Variants in ACSBG1 observed in about 807,000 individuals in gnomAD.
ACSBG1 encodes the protein acyl-CoA synthetase bubblegum family member 1.
Under a neutral mutation model 80.2 loss-of-function variants are expected in ACSBG1, and 39 were observed. The observed-to-expected ratio is 0.49, with a 90% CI of 0.38 to 0.64. The LOEUF is 0.64. ACSBG1 is among the 30% of genes least tolerant of loss of function. ACSBG1 has a pLI of 0.00. For missense variants in ACSBG1, 828 were observed against 966.4 expected (o/e 0.86, Z 1.90); for synonymous variants, 392 against 379.5 (o/e 1.03, Z -0.38).
chr15:78,180,858 C>A lies in ACSBG1; in HGVS notation c.1150G>T (p.Glu384Ter). The change falls in exon 9 of 14, where the codon GAG (glutamate) becomes TAG (stop). Residue 384 changes from glutamate (E) to a stop codon, truncating the protein, a stop_gained. Coordinates refer to ENST00000258873, the MANE Select transcript of ACSBG1 (RefSeq NM_015162.5). LOFTEE classifies it high-confidence loss of function. ...TGAGCCGCCACCTCCTGGATGCGCT[C>A]CATGATCTTCTCCCATACCCGGGGC... is the stretch of plus-strand genomic sequence containing the variant. ...GVPRVWEKIMERIQEVAAQSG... is the reference protein window; with the variant it reads ...GVPRVWEKIM The A allele has an allele frequency of 6.2e-7, 1 of 1,614,230 alleles. No individual in the cohort carries two copies. The highest frequency in any genetic ancestry group is 8.5e-7 in the Non-Finnish European group (1 of 1,180,044).
In ACSBG1 at chr15:78,181,034, T is replaced by C. The variant is rs754233223; in HGVS notation, c.1072-98A>G. The C allele has an allele frequency of 5.0e-6, 7 of 1,403,166 alleles. No homozygotes were observed. The South Asian group carries it at 9.4e-5, about 19-fold the overall frequency. The allele number at this position is 1,403,166 out of a possible 1,614,324, so 86.9% of individuals were successfully genotyped here. ...AGGCATGCCGGTGGCACACACATGC[T>C]CCAACGGGCACCCACACACACCTGC... On this transcript the variant is annotated intron_variant, in intron 8 of 13. Coordinates refer to ENST00000258873, the MANE Select transcript of ACSBG1 (RefSeq NM_015162.5).
intron 2 of ACSBG1, among the ~76,000 whole-genome samples, chr15:78,202,690 G>GGTGCA (rs1258996712): frequency 6.6e-6 from 1 of 152,242 alleles, no homozygotes; most frequent in Admixed American, 6.5e-5. Context: ...CTGTCTGGAA[G>GGTGCA]GTGCAGTGCA....
At chr15:78,200,611 T>G (rs1031254379) in intron 2 of ACSBG1, among the ~76,000 whole-genome samples, 3 of 152,190 alleles carry the variant, frequency 2.0e-5, no homozygotes, top group Non-Finnish European at 2.9e-5. Flanking sequence ...TACCCAAGTC[T>G]GCTGTTCCCA....
At chr15:78,234,255 C>G in intron 1 of ACSBG1, 116 bp downstream of exon 1, 1 of 1,405,270 alleles carries the variant, frequency 7.1e-7, no homozygotes, top group Non-Finnish European at 9.6e-7. Flanking sequence ...CTTCATTTCC[C>G]AGGTGAAGAA....
In ACSBG1 at chr15:78,167,983, C is replaced by T. The variant is rs2074766769; in HGVS notation, c.*3461G>A. The T allele has an allele frequency of 1.3e-5, 2 of 152,118 alleles. No individual in the cohort carries two copies. The highest frequency in any genetic ancestry group is 4.1e-4 in the South Asian group (2 of 4,822). 9.4% of individuals were successfully genotyped at this position (152,118 alleles called of 1,614,324 possible). On this transcript the variant is annotated 3_prime_UTR_variant, in exon 14 of 14. Transcript: ENST00000258873. The stretch of plus-strand genomic sequence containing the variant: ...AATCTACAGCCCAGTAGAGAGGTGC[C>T]TGAATTACATAGTGGGCCCTTTTAT...
chr15:78,193,875 C>G, intron 4 of ACSBG1, 57 bp downstream of exon 4: 1 of 1,589,582 alleles, frequency 6.3e-7, no homozygotes, highest in Non-Finnish European at 8.6e-7. Context: ...GGACCCTCCC[C>G]TACCCTCTGC....
At chr15:78,228,630 G>C (rs1279803025) in intron 1 of ACSBG1, among the ~76,000 whole-genome samples, 1 of 152,184 alleles carries the variant, frequency 6.6e-6, no homozygotes, top group Non-Finnish European at 1.5e-5. Flanking sequence ...AGAAGTCTAG[G>C]ACCAGGGTTG....
In ACSBG1 at chr15:78,178,943, C is replaced by G; in HGVS notation, c.1485-112G>C. 9.3e-7 allele frequency: 1 copy of G among 1,074,152 alleles called. No individual in the cohort carries two copies. The highest frequency in any genetic ancestry group is 1.3e-6 in the Non-Finnish European group (1 of 767,526). The allele number at this position is 1,074,152 out of a possible 1,614,324, so 66.5% of individuals were successfully genotyped here. A position where few individuals can be genotyped will look rare whatever the true frequency, so the allele number is the denominator to read the frequency against. The stretch of plus-strand genomic sequence containing the variant: ...CTTCACTGATTGCTAGAAGGTATCC[C>G]CTCACAGGGCTTTTGTATTTTTACA... On this transcript the variant is annotated intron_variant, in intron 10 of 13. Transcript: ENST00000258873. The surrounding 1 kb of genome is among the most constrained non-coding windows in gnomAD (Gnocchi z 4.3).
Position 78,173,762 on chromosome 15 carries a change from G to A in ACSBG1, c.1920C>T (p.Gly640=), listed in dbSNP as rs1436394519. 1 of 1,614,018 alleles carries A rather than the reference G, an allele frequency of 6.2e-7. No individual in the cohort carries two copies. The highest frequency in any genetic ancestry group is 1.3e-5 in the African/African-American group (1 of 74,908). The change falls in exon 13 of 14, where the codon GGC becomes GGT. Residue 640 remains glycine (G), a synonymous_variant. Coordinates refer to ENST00000258873, the MANE Select transcript of ACSBG1 (RefSeq NM_015162.5). Reference sequence around the variant, plus strand: ...TCTCGGACACTGTGGTGGCTCTGCTGCCCACCCTCTGGCAGAACTCCATAG... The same window carrying A: ...TCTCGGACACTGTGGTGGCTCTGCTACCCACCCTCTGGCAGAACTCCATAG... ...EQAMEFCQRV[G]SRATTVSEII...
At chr15:78,208,810 T>C (rs74024190) in intron 1 of ACSBG1, among the ~76,000 whole-genome samples, 8,540 of 152,254 alleles carry the variant, frequency 0.056, 596 homozygotes, top group African/African-American at 0.15. Flanking sequence ...CCAAGTTTCA[T>C]GGGTTTCTGG....
In ACSBG1 at chr15:78,179,679, G is replaced by A. The variant is rs763637644; in HGVS notation, c.1355C>T (p.Ala452Val). 5.6e-6 allele frequency: 9 copies of A among 1,614,022 alleles called. No individual in the cohort carries two copies. The highest frequency in any genetic ancestry group is 5.0e-5 in the Admixed American group (3 of 60,006). ...FAKCQKNFYG[A>V]APMMAETQHF... is the part of the protein sequence containing the mutation. The stretch of plus-strand genomic sequence containing the variant: ...CTGTGTCTCTGCCATCATGGGGGCC[G>A]CTCCATAGAAGTTCTTTTGACACTT... The change falls in exon 10 of 14, where the codon GCG becomes GTG. Residue 452 changes from alanine to valine, a missense_variant. By Grantham distance (64) the Ala-to-Val change is moderately conservative. This residue lies in a region of ACSBG1 where 271 missense variants were observed against 375.9 expected (regional missense o/e 0.72). Transcript: ENST00000258873.
At chr15:78,185,684 G>A (rs2074996168) in intron 5 of ACSBG1, among the ~76,000 whole-genome samples, 1 of 151,662 alleles carries the variant, frequency 6.6e-6, no homozygotes. Flanking sequence ...TAAACACAAA[G>A]AAAACCACCT....
intron 1 of ACSBG1, chr15:78,226,432 T>C (rs2075400846): frequency 6.6e-6 from 1 of 152,314 alleles, no homozygotes; most frequent in East Asian, 1.9e-4. Flanking sequence ...AAATAATTCA[T>C]GAAGTTAAAG....
At chr15:78,171,734 G>A (rs771206969) in intron 13 of ACSBG1, 1 of 500,638 alleles carries the variant, frequency 2.0e-6, no homozygotes, top group Non-Finnish European at 3.6e-6. Flanking sequence ...ACCACTGGTT[G>A]TGGCCAGTGG....
intron 5 of ACSBG1, among the ~76,000 whole-genome samples, chr15:78,183,356 C>T (rs1201234435): frequency 6.6e-6 from 1 of 151,800 alleles, no homozygotes; most frequent in Admixed American, 6.6e-5. Context: ...GTGGGAGGGT[C>T]ATTTGAGGTC....
intron 1 of ACSBG1, among the ~76,000 whole-genome samples, chr15:78,216,522 T>C (rs1332903386): frequency 6.6e-6 from 1 of 152,152 alleles, no homozygotes; most frequent in Non-Finnish European, 1.5e-5. Flanking sequence ...GGGTGGGGTT[T>C]TGGGCTGAGC....
chr15:78,234,235 A>G, intron 1 of ACSBG1, 136 bp downstream of exon 1: 1 of 1,279,550 alleles, frequency 7.8e-7, no homozygotes, highest in South Asian at 1.4e-5. Context: ...CGGATCGCCC[A>G]GATCCTTCCC....
intron 1 of ACSBG1, among the ~76,000 whole-genome samples, chr15:78,229,175 A>T (rs2075427315): frequency 6.6e-6 from 1 of 152,066 alleles, no homozygotes; most frequent in Non-Finnish European, 1.5e-5. Context: ...CAAACTCCTT[A>T]AGGTAGAGAC....
chr15:78,191,525 CA>C (rs2075056742), intron 5 of ACSBG1, among the ~76,000 whole-genome samples: 1 of 152,226 alleles, frequency 6.6e-6, no homozygotes, highest in Admixed American at 6.5e-5. Flanking sequence ...CTACTCTGTA[CA>C]AACAGAGTGT....
Sources: allele counts gnomAD v4.1 joint callset (sites outside exome capture counted in the v4.1 genomes callset), GRCh38; gene constraint gnomAD v4.1.1; regional missense constraint gnomAD v4.1.1; non-coding constraint Gnocchi (gnomAD v3.1); transcripts MANE v1.5; gene names NCBI Gene and HGNC (gene_info 2026-07-23, HGNC 2026-07-21).